The following SNRK variants were observed in gnomAD, a reference collection of about 807,000 sequenced individuals.
SNRK encodes the protein SNF-related serine/threonine-protein kinase.
Under a neutral mutation model 48.2 loss-of-function variants are expected in SNRK, and 3 were observed. That is an observed-to-expected ratio of 0.06 (90% CI 0.03 to 0.16). SNRK has a LOEUF of 0.16. SNRK is among the 10% of genes least tolerant of loss of function. The probability of loss-of-function intolerance (pLI) is 1.00; values close to 1 mark genes in which losing one functional copy is unlikely to be tolerated. For missense variants in SNRK, 627 were observed against 976.0 expected (o/e 0.64, Z 4.76); for synonymous variants, 376 against 366.1 (o/e 1.03, Z -0.31).
chr3:43,304,941 A>C (rs1355281157), intron 3 of SNRK, among the ~76,000 whole-genome samples: 1 of 152,138 alleles, frequency 6.6e-6, no homozygotes, highest in Non-Finnish European at 1.5e-5. Context: ...GAGATTTTTG[A>C]TTAATGGAGC....
rs1276949362 is a variant in SNRK at position 43,294,004 on chromosome 3, T to C, written c.-168-5750T>C. On this transcript the variant is annotated intron_variant, in intron 1 of 6. Transcript: ENST00000296088. ...AACTTAACATTATGTTGTGAGACTT[T>C]CCCCATGAAATGTAGTAGCCTCAAA... 2.6e-5 allele frequency among the ~76,000 whole-genome samples: 4 copies of C among 152,320 alleles called. 1 individual carries two copies. Among genetic ancestry groups the C allele is most frequent in the Admixed American group, 2.6e-4 (4 of 15,300 alleles).
intron 4 of SNRK, 39 bp from the exon 5 acceptor site, chr3:43,340,248 A>G (rs774535018): frequency 2.8e-5 from 41 of 1,477,508 alleles, no homozygotes; most frequent in Non-Finnish European, 3.6e-5. Context: ...GATCCTTGCA[A>G]GCAGTTTGCT....
chr3:43,297,889 G>A (rs1366162740), intron 1 of SNRK, among the ~76,000 whole-genome samples: 1 of 151,986 alleles, frequency 6.6e-6, no homozygotes, highest in Non-Finnish European at 1.5e-5. Context: ...TTTATTTTAG[G>A]AAACTGAACA....
rs751763652 is a variant in SNRK at position 43,348,358 on chromosome 3, C to A, written c.2099C>A (p.Ala700Glu). The change falls in exon 7 of 7, where the codon GCA (alanine) becomes GAA (glutamate). Residue 700 changes from alanine (A) to glutamate (E), a missense_variant. Transcript: ENST00000296088. ...SSTGNAGQVP[A>E]VGGIKFFSDH... is the part of the protein sequence containing the mutation. Reference sequence around the variant, plus strand: ...ACAGGGAATGCAGGGCAGGTCCCTGCAGTGGGCGGCATAAAGTTTTTCTCT... The same window carrying A: ...ACAGGGAATGCAGGGCAGGTCCCTGAAGTGGGCGGCATAAAGTTTTTCTCT... 1.9e-6 allele frequency: 3 copies of A among 1,607,840 alleles called. No homozygotes were observed. The South Asian group carries it at 3.3e-5, about 18-fold the overall frequency.
At position 43,286,545 on chromosome 3, in the gene SNRK, C is replaced by G. The variant is rs1002725780; in HGVS notation, c.-299C>G. 2 of 151,296 alleles carry G rather than the reference C, an allele frequency of 1.3e-5. No individual in the cohort carries two copies. Among genetic ancestry groups the G allele is most frequent in the Non-Finnish European group, 3.0e-5 (2 of 67,786 alleles). 9.4% of individuals were successfully genotyped at this position (151,296 alleles called of 1,614,324 possible). On this transcript the variant is annotated 5_prime_UTR_variant, in exon 1 of 7. Transcript: ENST00000296088. The stretch of plus-strand genomic sequence containing the variant: ...CGCGCAGCCCGCGCAGGCGCAGCTA[C>G]CCGGCACCCCCTCCCCGCGGCCGGC...
At chr3:43,304,971 A>G (rs373275140) in intron 3 of SNRK, among the ~76,000 whole-genome samples, 1 of 152,144 alleles carries the variant, frequency 6.6e-6, no homozygotes, top group African/African-American at 2.4e-5. Context: ...CAGACAGTGA[A>G]GCCAGGAATT....
intron 3 of SNRK, among the ~76,000 whole-genome samples, chr3:43,323,904 T>G (rs2091074268): frequency 6.6e-6 from 1 of 152,150 alleles, no homozygotes; most frequent in African/African-American, 2.4e-5. Context: ...ACACAATAGC[T>G]GTGGTTGTCA....
At chr3:43,291,633 ATTATCT>A (rs2090813440) in intron 1 of SNRK, among the ~76,000 whole-genome samples, 1 of 152,150 alleles carries the variant, frequency 6.6e-6, no homozygotes, top group African/African-American at 2.4e-5. Context: ...CAAGGTGGTG[ATTATCT>A]TTATTTTATC....
At position 43,347,078 on chromosome 3, in the gene SNRK, C is replaced by G; in HGVS notation, c.1080-261C>G. On this transcript the variant is annotated intron_variant, in intron 6 of 6. Transcript: ENST00000296088. This position sits in a 1 kb window ranked among gnomAD's most constrained non-coding sequence, Gnocchi z 5.4. ...TTTGTATAGAAAAGATGGAGTAGCT[C>G]TTTGCCCTATTTTCTTTTCTGACAC... The G allele has an allele frequency of 2.5e-6, 1 of 404,580 alleles. No homozygotes were observed. Among genetic ancestry groups the G allele is most frequent in the Non-Finnish European group, 4.4e-6 (1 of 226,874 alleles). The allele number at this position is 404,580 out of a possible 1,614,324, so 25.1% of individuals were successfully genotyped here. A position where few individuals can be genotyped will look rare whatever the true frequency, so the allele number is the denominator to read the frequency against.
intron 1 of SNRK, among the ~76,000 whole-genome samples, chr3:43,292,392 C>A (rs1032228304): frequency 6.6e-6 from 1 of 152,158 alleles, no homozygotes. Flanking sequence ...TGATGAGAAG[C>A]TTTTCCTGTG....
intron 3 of SNRK, among the ~76,000 whole-genome samples, chr3:43,308,859 A>G (rs1285804303): frequency 6.6e-6 from 1 of 152,190 alleles, no homozygotes; most frequent in Non-Finnish European, 1.5e-5. Context: ...AATTCCTCCG[A>G]TCCATCTGGG....
chr3:43,297,962 T>C (rs1002675678), intron 1 of SNRK, among the ~76,000 whole-genome samples: 3 of 152,102 alleles, frequency 2.0e-5, no homozygotes, highest in African/African-American at 7.2e-5. Flanking sequence ...GTTTGGTGAA[T>C]TCATTCGCTT....
rs2091151580 is a variant in SNRK, at chr3:43,332,206, G to A, written c.627G>A (p.Val209=). 1.3e-6 allele frequency: 2 copies of A among 1,598,950 alleles called. No homozygotes were observed. Among genetic ancestry groups the A allele is most frequent in the Non-Finnish European group, 1.7e-6 (2 of 1,173,410 alleles). Residue 209 remains valine (V), a synonymous_variant, in exon 4 of 7, where the codon GTG becomes GTA. Coordinates refer to ENST00000296088, the MANE Select transcript of SNRK (RefSeq NM_017719.5). ...TGGGAGTGATCCTTTTCATGTTGGT[G>A]TGTGGGCAGCCGCCCTTTCAAGAAG... The part of the protein sequence containing the change: ...WSLGVILFML[V]CGQPPFQEAN...
At chr3:43,287,143 C>G (rs1289065443) in intron 1 of SNRK, among the ~76,000 whole-genome samples, 2 of 151,652 alleles carry the variant, frequency 1.3e-5, no homozygotes, top group African/African-American at 4.8e-5. Flanking sequence ...AATCCGGCCT[C>G]AGCAAAAGGG....
chr3:43,342,864 C>T (rs2091247608), intron 5 of SNRK, among the ~76,000 whole-genome samples: 1 of 152,166 alleles, frequency 6.6e-6, no homozygotes, highest in Non-Finnish European at 1.5e-5. Context: ...CCTAAATTGC[C>T]AGTAAATGCA....
intron 3 of SNRK, among the ~76,000 whole-genome samples, chr3:43,305,568 T>C (rs76968761): frequency 0.025 from 3,758 of 151,328 alleles, 161 homozygotes; most frequent in African/African-American, 0.084. Context: ...CTGCAAGCTC[T>C]GCCTCCTGGG....
intron 2 of SNRK, among the ~76,000 whole-genome samples, chr3:43,302,331 C>T (rs766635605): frequency 1.4e-4 from 21 of 152,098 alleles, no homozygotes. Context: ...AGTAGTGATG[C>T]AAGAGCAAAC....
chr3:43,309,237 A>G (rs1041795658), intron 3 of SNRK, among the ~76,000 whole-genome samples: 1 of 152,106 alleles, frequency 6.6e-6, no homozygotes, highest in African/African-American at 2.4e-5. Flanking sequence ...GATGGATTCT[A>G]TTAGTGAAGA....
chr3:43,311,784 G>T (rs994375072), intron 3 of SNRK, among the ~76,000 whole-genome samples: 1 of 152,084 alleles, frequency 6.6e-6, no homozygotes, highest in African/African-American at 2.4e-5. Context: ...TGTCCTGTGG[G>T]GTGGCCTGCT....
Sources: allele counts gnomAD v4.1 joint callset (sites outside exome capture counted in the v4.1 genomes callset), GRCh38; gene constraint gnomAD v4.1.1; non-coding constraint Gnocchi (gnomAD v3.1); transcripts MANE v1.5; gene names NCBI Gene and HGNC (gene_info 2026-07-23, HGNC 2026-07-21).